The following CSMD1 variants were observed in gnomAD, a reference collection of about 807,000 sequenced individuals.
CSMD1 encodes the protein CUB and Sushi multiple domains 1.
A neutral mutation model predicts 417.5 loss-of-function variants in CSMD1; 213 were observed. The ratio of observed to expected loss-of-function variants is 0.51; its 90% CI spans 0.46 to 0.57. The LOEUF (loss-of-function observed/expected upper bound fraction) is 0.57, where lower values mean the gene tolerates loss of function less well. Ranked by LOEUF, CSMD1 falls within the 20% of genes least tolerant of loss-of-function variation. The probability of loss-of-function intolerance (pLI) is 0.00; values close to 1 mark genes in which losing one functional copy is unlikely to be tolerated. For synonymous variants in CSMD1, 2,862 were observed against 1,736.8 expected (o/e 1.65, Z -16.11); for missense variants, 6,923 against 4,529.7 (o/e 1.53, Z -15.17).
chr8:3,877,078 T>C (rs1372496530), intron 5 of CSMD1, among the ~76,000 whole-genome samples: 1 of 152,202 alleles, frequency 6.6e-6, no homozygotes, highest in Non-Finnish European at 1.5e-5. Context: ...CTTAAGGTTC[T>C]TACAAGGGAG....
chr8:4,184,601 T>A (rs1004061816), intron 3 of CSMD1, among the ~76,000 whole-genome samples: 2 of 151,466 alleles, frequency 1.3e-5, no homozygotes, highest in African/African-American at 4.9e-5. Flanking sequence ...TTTAGCAAAC[T>A]AACACAGGAA....
intron 68 of CSMD1, among the ~76,000 whole-genome samples, chr8:2,945,770 G>A (rs1384697030): frequency 6.6e-6 from 1 of 151,840 alleles, no homozygotes; most frequent in Non-Finnish European, 1.5e-5. Context: ...GTTATTATTG[G>A]TTCCTTGGCT....
intron 5 of CSMD1, among the ~76,000 whole-genome samples, chr8:3,815,655 C>T (rs887695080): frequency 3.4e-5 from 5 of 148,836 alleles, no homozygotes; most frequent in Middle Eastern, 3.5e-3. Context: ...AAATAAACAA[C>T]CTAGACAATA....
At chr8:4,803,768 G>C (rs1257807889) in intron 1 of CSMD1, among the ~76,000 whole-genome samples, 2 of 152,036 alleles carry the variant, frequency 1.3e-5, no homozygotes, top group African/African-American at 2.4e-5. Context: ...GAACGTTATT[G>C]GTATTTATTT....
At chr8:4,051,133 A>G (rs961593711) in intron 3 of CSMD1, among the ~76,000 whole-genome samples, 2 of 152,082 alleles carry the variant, frequency 1.3e-5, no homozygotes, top group African/African-American at 4.8e-5. Context: ...AAAAGAAAAG[A>G]AAAGAAAAAA....
At chr8:3,589,495 G>A (rs936050176) in intron 8 of CSMD1, among the ~76,000 whole-genome samples, 32 of 152,012 alleles carry the variant, frequency 2.1e-4, no homozygotes, top group African/African-American at 7.5e-4. Context: ...TTGATCCTGG[G>A]GGAAATTATG....
chr8:4,906,037 T>TA (rs910103322), intron 1 of CSMD1, among the ~76,000 whole-genome samples: 11 of 151,984 alleles, frequency 7.2e-5, no homozygotes, highest in African/African-American at 2.7e-4. Flanking sequence ...GAAAGCATAT[T>TA]AAAAAATATA....
chr8:3,447,700 G>C (rs10283217), intron 12 of CSMD1, among the ~76,000 whole-genome samples: 13,649 of 152,202 alleles, frequency 0.09, 689 homozygotes, highest in African/African-American at 0.13. Context: ...ACTTCCTGGG[G>C]GTTTGCTTCA....
At chr8:3,961,800 T>C (rs1812345356) in intron 5 of CSMD1, among the ~76,000 whole-genome samples, 1 of 152,198 alleles carries the variant, frequency 6.6e-6, no homozygotes, top group African/African-American at 2.4e-5. Context: ...GGGTTTTTAA[T>C]ATTTCCCGCT....
chr8:4,937,714 A>C (rs149756105), intron 1 of CSMD1, among the ~76,000 whole-genome samples: 23 of 152,268 alleles, frequency 1.5e-4, no homozygotes, highest in Admixed American at 7.2e-4. Flanking sequence ...CGATTTCTTG[A>C]CTTTACGCCT....
intron 5 of CSMD1, among the ~76,000 whole-genome samples, chr8:3,780,939 A>G (rs1197121034): frequency 6.6e-6 from 1 of 152,196 alleles, no homozygotes. Flanking sequence ...TTCTAAATGT[A>G]AAAATAAAGC....
At chr8:4,048,219 T>C (rs2130676660) in intron 3 of CSMD1, among the ~76,000 whole-genome samples, 1 of 152,342 alleles carries the variant, frequency 6.6e-6, no homozygotes, top group Admixed American at 6.5e-5. Flanking sequence ...TAACATACCG[T>C]TCTTTGTTAT....
chr8:4,476,591 A>T (rs973213892), intron 2 of CSMD1, among the ~76,000 whole-genome samples: 1 of 152,196 alleles, frequency 6.6e-6, no homozygotes, highest in Non-Finnish European at 1.5e-5. Context: ...TCTCCACAAC[A>T]CTTTTAGTAA....
In CSMD1 at chr8:4,652,758, C is replaced by T. The variant is rs149606312; in HGVS notation, c.86-15200G>A. Among the ~76,000 whole-genome samples the T allele has an allele frequency of 2.0e-4, 31 of 152,162 alleles. 1 individual carries two copies. The East Asian group carries it at 4.6e-3, about 23-fold the overall frequency. ...GTCTCCAGGCTTTTTGGCACCAGGG[C>T]GGTTTTGTGGAAGACAATTTTTCTG... On this transcript the variant is annotated intron_variant, in intron 1 of 69. Transcript: ENST00000635120.
In CSMD1 at chr8:2,989,917, A is replaced by G. The variant is rs758035124; in HGVS notation, c.8377+8094T>C. ...GCATAGTTATCTACTTAAAGACACG[A>G]ATAATTGTATTGATGGTGTCTAGCA... On this transcript the variant is annotated intron_variant, in intron 54 of 69. Coordinates refer to ENST00000635120, the MANE Select transcript of CSMD1 (RefSeq NM_033225.6). 1.4e-4 allele frequency among the ~76,000 whole-genome samples: 21 copies of G among 152,316 alleles called. 1 individual carries two copies. Among genetic ancestry groups the G allele is most frequent in the African/African-American group, 4.6e-4 (19 of 41,576 alleles).
chr8:4,701,418 T>C (rs759895501), intron 1 of CSMD1, among the ~76,000 whole-genome samples: 4 of 151,992 alleles, frequency 2.6e-5, no homozygotes, highest in Non-Finnish European at 5.9e-5. Context: ...CTTTGTCCTG[T>C]GCCTGAACCA....
rs1344932316 is a variant in CSMD1, at chr8:3,139,727, G to A, written c.6241+2738C>T. On this transcript the variant is annotated intron_variant, in intron 41 of 69. Coordinates refer to ENST00000635120, the MANE Select transcript of CSMD1 (RefSeq NM_033225.6). Reference sequence around the variant, plus strand: ...TGTGTATGTGTGTGTGTCGATGTGTGAGAGACAGATCTGAGTTATATTCAA... The same window carrying A: ...TGTGTATGTGTGTGTGTCGATGTGTAAGAGACAGATCTGAGTTATATTCAA... 2.5e-4 allele frequency among the ~76,000 whole-genome samples: 38 copies of A among 152,112 alleles called. 1 individual carries two copies. Among genetic ancestry groups the A allele is most frequent in the Non-Finnish European group, 4.4e-5 (3 of 68,024 alleles).
At chr8:4,391,452 T>A (rs1803844938) in intron 3 of CSMD1, among the ~76,000 whole-genome samples, 1 of 152,098 alleles carries the variant, frequency 6.6e-6, no homozygotes, top group African/African-American at 2.4e-5. Context: ...AAACAGCTAA[T>A]TATCAGAGTA....
intron 1 of CSMD1, among the ~76,000 whole-genome samples, chr8:4,659,501 C>A (rs931335477): frequency 1.3e-5 from 2 of 152,074 alleles, no homozygotes; most frequent in African/African-American, 4.8e-5. Context: ...CATGGATGAA[C>A]CTTGAAAACA....
Sources: gnomAD v4.1 joint callset for allele counts (sites outside exome capture counted in the v4.1 genomes callset) on GRCh38, gnomAD v4.1.1 for gene constraint, MANE v1.5 for transcripts, NCBI Gene and HGNC (gene_info 2026-07-23, HGNC 2026-07-21) for gene names.